The following EHBP1 variants were observed in gnomAD, a reference collection of about 807,000 sequenced individuals.
The protein encoded by EHBP1 is EH domain-binding protein 1.
EHBP1 carries 55 observed loss-of-function variants against 144.0 expected under a neutral mutation model. The observed-to-expected ratio is 0.38, with a 90% CI of 0.31 to 0.48. EHBP1 has a LOEUF of 0.48. Among genes scored for constraint, EHBP1 ranks in the 20% least tolerant of loss-of-function variants. The probability of loss-of-function intolerance (pLI) is 0.98; values close to 1 mark genes in which losing one functional copy is unlikely to be tolerated. For missense variants in EHBP1, 1,200 were observed against 1,364.2 expected (o/e 0.88, Z 1.90); for synonymous variants, 469 against 472.7 (o/e 0.99, Z 0.10).
intron 3 of EHBP1, among the ~76,000 whole-genome samples, 154 bp from the exon 4 acceptor site, chr2:62,764,112 G>A (rs2040980023): frequency 6.6e-6 from 1 of 151,954 alleles, no homozygotes. Flanking sequence ...AAGCATTTTT[G>A]TTTCAGGGAT....
chr2:62,776,373 A>C (rs1366303432), intron 5 of EHBP1, among the ~76,000 whole-genome samples: 1 of 152,212 alleles, frequency 6.6e-6, no homozygotes, highest in Admixed American at 6.5e-5. Context: ...TGATGGTATT[A>C]ATATCTACTC....
intron 3 of EHBP1, among the ~76,000 whole-genome samples, chr2:62,749,675 C>T (rs1251346758): frequency 6.6e-6 from 1 of 152,208 alleles, no homozygotes; most frequent in East Asian, 1.9e-4. Context: ...GATTGCCATT[C>T]TAACTGGTGT....
chr2:62,986,748 T>C (rs1432656113), intron 15 of EHBP1, among the ~76,000 whole-genome samples: 1 of 152,166 alleles, frequency 6.6e-6, no homozygotes, highest in African/African-American at 2.4e-5. Context: ...ATCTTTTTTC[T>C]TTATTGTTTT....
chr2:62,764,455 T>A (rs1341265788), intron 4 of EHBP1, 94 bp downstream of exon 4: 4 of 915,100 alleles, frequency 4.4e-6, no homozygotes, highest in Non-Finnish European at 6.4e-6. Flanking sequence ...TACATTTGTG[T>A]CCAGTCTGGT....
At chr2:63,019,760 G>T (rs2060629920) in intron 19 of EHBP1, among the ~76,000 whole-genome samples, 1 of 143,544 alleles carries the variant, frequency 7.0e-6, no homozygotes, top group Non-Finnish European at 1.5e-5. Flanking sequence ...GAAGAGGAGG[G>T]GAGGGGAGAG....
intron 15 of EHBP1, among the ~76,000 whole-genome samples, chr2:62,984,644 G>A (rs183935748): frequency 3.0e-4 from 45 of 152,276 alleles, no homozygotes; most frequent in African/African-American, 7.0e-4. Context: ...AGAAGAATTC[G>A]AAGTTGATTG....
At chr2:62,704,805 T>C (rs2034401829), upstream of EHBP1, among the ~76,000 whole-genome samples, 1 of 152,188 alleles carries the variant, frequency 6.6e-6, no homozygotes, top group African/African-American at 2.4e-5. Flanking sequence ...AGAAAGTATC[T>C]GTAGCTTTCA....
At chr2:62,883,829 C>T (rs893876500) in intron 10 of EHBP1, among the ~76,000 whole-genome samples, 11 of 152,028 alleles carry the variant, frequency 7.2e-5, no homozygotes, top group South Asian at 2.1e-4. Flanking sequence ...ACGTTAGCTG[C>T]GCATCATGGC....
chr2:62,874,304 A>G (rs2152844331), intron 9 of EHBP1, 42 bp from the exon 10 acceptor site: 1 of 1,427,402 alleles, frequency 7.0e-7, no homozygotes, highest in Non-Finnish European at 9.4e-7. Context: ...TAAATGAACT[A>G]TTTTTTGAGA....
chr2:62,826,300 C>T, intron 6 of EHBP1, 32 bp downstream of exon 6: 1 of 1,550,186 alleles, frequency 6.5e-7, no homozygotes, highest in Non-Finnish European at 8.7e-7. Flanking sequence ...AGCTTCCTTA[C>T]ATTGTGTTTC....
At chr2:62,858,231 C>T in intron 7 of EHBP1, 3 of 418,454 alleles carry the variant, frequency 7.2e-6, no homozygotes, top group Non-Finnish European at 1.3e-5. Flanking sequence ...ATGAGTACAG[C>T]ATAACATTCA....
Position 63,046,227 on chromosome 2 carries a change from A to G in EHBP1, c.*727A>G, listed in dbSNP as rs1220596231. 1 of 152,676 alleles carries G rather than the reference A, an allele frequency of 6.5e-6. No individual in the cohort carries two copies. Among genetic ancestry groups the G allele is most frequent in the Non-Finnish European group, 1.5e-5 (1 of 68,048 alleles). 9.5% of individuals were successfully genotyped at this position (152,676 alleles called of 1,614,324 possible). A position where few individuals can be genotyped will look rare whatever the true frequency, so the allele number is the denominator to read the frequency against. ...CAGTCTTATCATCCGAGAATACACCATCTTTTTCTCTGGATAATTATTTCT... is the reference window on the plus strand; with the variant it reads ...CAGTCTTATCATCCGAGAATACACCGTCTTTTTCTCTGGATAATTATTTCT... On this transcript the variant is annotated 3_prime_UTR_variant, in exon 23 of 23. Coordinates refer to ENST00000431489, the MANE Select transcript of EHBP1 (RefSeq NM_001142616.3).
chr2:62,749,196 T>G (rs1232672495), intron 3 of EHBP1, among the ~76,000 whole-genome samples: 2 of 152,152 alleles, frequency 1.3e-5, no homozygotes, highest in Non-Finnish European at 1.5e-5. Flanking sequence ...CCAAGTGTTC[T>G]CATTGTTCAA....
intron 11 of EHBP1, 107 bp downstream of exon 11, chr2:62,943,003 T>C: frequency 1.2e-6 from 1 of 839,354 alleles, no homozygotes; most frequent in Non-Finnish European, 1.8e-6. Context: ...ATATTTGTTT[T>C]ATTACCCCAC....
intron 7 of EHBP1, among the ~76,000 whole-genome samples, chr2:62,855,091 G>A (rs979984244): frequency 6.6e-6 from 1 of 152,176 alleles, no homozygotes; most frequent in Non-Finnish European, 1.5e-5. Flanking sequence ...CCCAAACGGC[G>A]GCTGCAGACC....
intron 8 of EHBP1, among the ~76,000 whole-genome samples, chr2:62,860,485 C>T (rs1374798853): frequency 2.5e-5 from 3 of 121,686 alleles, no homozygotes; most frequent in Non-Finnish European, 3.6e-5. Context: ...AGCGAAACTC[C>T]ATCTCAAAAA....
At chr2:62,956,087 T>A (rs2057680150) in intron 14 of EHBP1, 1 of 152,760 alleles carries the variant, frequency 6.5e-6, no homozygotes, top group East Asian at 1.9e-4. Flanking sequence ...CCATGGAGAC[T>A]GAGGCCAATA....
At position 62,706,901 on chromosome 2, in the gene EHBP1, C is replaced by G. The variant is rs2034647569; in HGVS notation, c.-291C>G. 6.5e-6 allele frequency: 2 copies of G among 309,378 alleles called. No homozygotes were observed. The highest frequency in any genetic ancestry group is 1.2e-5 in the Non-Finnish European group (2 of 164,168). The allele number at this position is 309,378 out of a possible 1,614,324, so 19.2% of individuals were successfully genotyped here. A position where few individuals can be genotyped will look rare whatever the true frequency, so the allele number is the denominator to read the frequency against. ...TGTCTTTGTTTTGCTTTTCAGCCCTCCAGAATACCCATCATATAGCCCCTG... is the reference window on the plus strand; with the variant it reads ...TGTCTTTGTTTTGCTTTTCAGCCCTGCAGAATACCCATCATATAGCCCCTG... On this transcript the variant is annotated 5_prime_UTR_variant, in exon 2 of 23. Transcript: ENST00000431489.
intron 2 of EHBP1, among the ~76,000 whole-genome samples, chr2:62,723,630 C>T (rs570572785): frequency 2.6e-5 from 4 of 152,126 alleles, no homozygotes; most frequent in Admixed American, 2.0e-4. Context: ...CTTTCCTTTC[C>T]ATATATAGTG....
Sources: gnomAD v4.1 joint callset for allele counts (sites outside exome capture counted in the v4.1 genomes callset) on GRCh38, gnomAD v4.1.1 for gene constraint, MANE v1.5 for transcripts, NCBI Gene and HGNC (gene_info 2026-07-23, HGNC 2026-07-21) for gene names.